Variants in GRK4 observed in about 807,000 individuals in gnomAD.
GRK4 encodes the protein G protein-coupled receptor kinase 2-like.
Under a neutral mutation model 77.9 loss-of-function variants are expected in GRK4, and 73 were observed. The ratio of observed to expected loss-of-function variants is 0.94; its 90% CI spans 0.78 to 1.14. The LOEUF (loss-of-function observed/expected upper bound fraction) is 1.14, where lower values mean the gene tolerates loss of function less well. Among genes scored for constraint, GRK4 ranks in the 50% most tolerant of loss-of-function variants. The pLI is 0.00. For missense variants in GRK4, 729 were observed against 700.2 expected, an observed-to-expected ratio of 1.04 and a Z score of -0.46; for synonymous variants, 257 against 254.4, an observed-to-expected ratio of 1.01 and a Z score of -0.10.
chr4:2,964,154 C>G, intron 1 of GRK4, 32 bp downstream of exon 1: 4 of 1,544,962 alleles, frequency 2.6e-6, no homozygotes, highest in South Asian at 1.2e-5. Flanking sequence ...CCGACCCCCC[C>G]CCCAGAGAAC....
At chr4:2,983,862 G>A (rs375161736) in intron 1 of GRK4, among the ~76,000 whole-genome samples, 25 of 152,238 alleles carry the variant, frequency 1.6e-4, no homozygotes, top group South Asian at 1.5e-3. Flanking sequence ...GGTGAAAAGC[G>A]AAGGGGAAGC....
At chr4:2,987,282 T>A in intron 2 of GRK4, 1 of 343,502 alleles carries the variant, frequency 2.9e-6, no homozygotes, top group South Asian at 2.3e-5. Flanking sequence ...TCCTTTTTTG[T>A]TGGTGAATAA....
chr4:3,019,905 C>T, intron 9 of GRK4, 74 bp downstream of exon 9: 1 of 1,385,678 alleles, frequency 7.2e-7, no homozygotes, highest in Non-Finnish European at 9.9e-7. Context: ...TTCCCTGGTT[C>T]ACACTGGCTG....
At chr4:2,969,327 A>G (rs1361426462) in intron 1 of GRK4, 10 of 151,354 alleles carry the variant, frequency 6.6e-5, no homozygotes, top group African/African-American at 2.4e-4. Flanking sequence ...GGTGTGAGCC[A>G]CTGTGCCTGG....
At chr4:2,990,246 CTTTTTTTTTTTTTTT>C (rs71644371) in intron 3 of GRK4, among the ~76,000 whole-genome samples, 19 of 70,750 alleles carry the variant, frequency 2.7e-4, no homozygotes, top group East Asian at 1.1e-3. Flanking sequence ...TCTTCTTCTT[CTTTTTTTTTTTTTTT>C]TTTTTTTTTT....
At chr4:3,035,179 A>G (rs1331463184) in intron 12 of GRK4, among the ~76,000 whole-genome samples, 1 of 151,964 alleles carries the variant, frequency 6.6e-6, no homozygotes, top group East Asian at 1.9e-4. Flanking sequence ...CGGGAGGCTG[A>G]GCTTGCAGTG....
At chr4:3,035,569 G>T in intron 13 of GRK4, 46 bp downstream of exon 13, 1 of 1,549,458 alleles carries the variant, frequency 6.5e-7, no homozygotes, top group East Asian at 2.3e-5. Context: ...ACAGTGATCC[G>T]CACAGCACGG....
chr4:2,983,364 T>C (rs1247635818), intron 1 of GRK4, among the ~76,000 whole-genome samples: 2 of 152,204 alleles, frequency 1.3e-5, no homozygotes, highest in African/African-American at 2.4e-5. Context: ...CTGGATAAAA[T>C]TCAGTAAAAT....
intron 12 of GRK4, among the ~76,000 whole-genome samples, chr4:3,030,345 C>A (rs1363865824): frequency 6.6e-6 from 1 of 152,172 alleles, no homozygotes; most frequent in Non-Finnish European, 1.5e-5. Flanking sequence ...TGTTACCACC[C>A]CTCACTGCCC....
chr4:3,032,306 TC>T (rs1739390492), intron 12 of GRK4, among the ~76,000 whole-genome samples: 1 of 125,966 alleles, frequency 7.9e-6, no homozygotes. Flanking sequence ...GATGGTGAAA[TC>T]CTATCTCTAC....
Position 3,007,788 on chromosome 4 carries a change from T to C in GRK4, c.496T>C (p.Ser166Pro). The change falls in exon 6 of 16, where the codon TCA (serine) becomes CCA (proline). Residue 166 changes from serine (S) to proline (P), a missense_variant. By Grantham distance (74) the Ser-to-Pro change is moderately conservative. Coordinates refer to ENST00000398052, the MANE Select transcript of GRK4 (RefSeq NM_182982.3). ...ACCATTTGAAGAATACCAAGAAAGCTCATATTTTTCTCAGTTTTTACAATG... is the reference window on the plus strand; with the variant it reads ...ACCATTTGAAGAATACCAAGAAAGCCCATATTTTTCTCAGTTTTTACAATG... The part of the protein sequence containing the change: ...GEPFEEYQES[S>P]YFSQFLQWKW... The C allele has an allele frequency of 6.2e-7, 1 of 1,612,110 alleles. No homozygotes were observed. The highest frequency in any genetic ancestry group is 8.5e-7 in the Non-Finnish European group (1 of 1,179,052).
At chr4:2,994,304 G>T (rs1368075638) in intron 4 of GRK4, among the ~76,000 whole-genome samples, 1 of 152,146 alleles carries the variant, frequency 6.6e-6, no homozygotes, top group Non-Finnish European at 1.5e-5. Context: ...TCTGCCTCCC[G>T]GGTTCAAGTG....
chr4:2,999,063 G>C (rs1000256929), intron 4 of GRK4, among the ~76,000 whole-genome samples: 1 of 152,130 alleles, frequency 6.6e-6, no homozygotes, highest in African/African-American at 2.4e-5. Context: ...ACAAATTCAT[G>C]CATTTTGTCT....
At position 3,035,509 on chromosome 4, in the gene GRK4, C is replaced by T. The variant is rs746999785; in HGVS notation, c.1393C>T (p.Pro465Ser). Residue 465 changes from proline (P) to serine (S), a missense_variant, in exon 13 of 16, where the codon CCT (proline) becomes TCT (serine). By Grantham distance (74) the Pro-to-Ser change is moderately conservative (BLOSUM62 -1). Transcript: ENST00000398052. ...GCTGGAGGCAAACATGCTGGAGCCC[C>T]CTTTCTGTCCTGATGTAAGTGCATT... ...RRLEANMLEP[P>S]FCPDPHAVYC... 1.2e-6 allele frequency: 2 copies of T among 1,613,694 alleles called. No individual in the cohort carries two copies.
At chr4:3,021,894 C>T (rs1736193346) in intron 9 of GRK4, among the ~76,000 whole-genome samples, 1 of 152,206 alleles carries the variant, frequency 6.6e-6, no homozygotes. Flanking sequence ...TGCACCATGT[C>T]TGCCCCATCC....
intron 9 of GRK4, 33 bp downstream of exon 9, chr4:3,019,864 G>A: frequency 6.4e-7 from 1 of 1,574,014 alleles, no homozygotes; most frequent in Non-Finnish European, 8.7e-7. Flanking sequence ...GAGCCTGCAA[G>A]TCTTGGAGCC....
chr4:3,027,618 C>T (rs1333112079), intron 10 of GRK4, among the ~76,000 whole-genome samples: 1 of 152,102 alleles, frequency 6.6e-6, no homozygotes, highest in African/African-American at 2.4e-5. Flanking sequence ...AGTTGTATGA[C>T]ATAAAATAAT....
intron 1 of GRK4, among the ~76,000 whole-genome samples, chr4:2,967,791 A>G (rs534606645): frequency 6.6e-6 from 1 of 151,136 alleles, no homozygotes; most frequent in Non-Finnish European, 1.5e-5. Flanking sequence ...ATATAAAAAC[A>G]ATTTTTTTTT....
intron 1 of GRK4, among the ~76,000 whole-genome samples, chr4:2,967,809 C>T (rs1008001516): frequency 2.7e-5 from 4 of 150,782 alleles, no homozygotes; most frequent in Admixed American, 6.6e-5. Flanking sequence ...TTTGAGGCGT[C>T]GTTTTGCTCT....
Sources: gnomAD v4.1 joint callset for allele counts (sites outside exome capture counted in the v4.1 genomes callset) on GRCh38, gnomAD v4.1.1 for gene constraint, MANE v1.5 for transcripts, NCBI Gene and HGNC (gene_info 2026-07-23, HGNC 2026-07-21) for gene names.